NF2: variants seen among roughly 807,000 people sequenced by gnomAD.
NF2 encodes the protein NF2, moesin-ezrin-radixin like (MERLIN) tumor suppressor, also known as merlin.
A neutral mutation model predicts 83.7 loss-of-function variants in NF2; 8 were observed. The observed-to-expected ratio is 0.10, with a 90% CI of 0.06 to 0.17. The LOEUF (loss-of-function observed/expected upper bound fraction) is 0.17. Among genes scored for constraint, NF2 ranks in the 10% least tolerant of loss-of-function variants. The pLI, the probability that NF2 is intolerant of heterozygous loss-of-function variation, is 1.00. For synonymous variants in NF2, 266 were observed against 269.6 expected (o/e 0.99, Z 0.13); for missense variants, 533 against 744.4 (o/e 0.72, Z 3.31).
In NF2 at chr22:29,668,438, A is replaced by C; in HGVS notation, c.991A>C (p.Arg331=). The change falls in exon 10 of 16, where the codon AGA becomes CGA. Residue 331 remains arginine (R), a synonymous_variant. Coordinates refer to ENST00000338641, the MANE Select transcript of NF2 (RefSeq NM_000268.4). ...AGCCCAGGCCAGGGAGGAGAAGGCTAGAAAGCAGGTGAGCACAACCTTGTT... is the reference window on the plus strand; with the variant it reads ...AGCCCAGGCCAGGGAGGAGAAGGCTCGAAAGCAGGTGAGCACAACCTTGTT... ...MKAQAREEKA[R]KQMERQRLAR... is the part of the protein sequence containing the mutation. The C allele has an allele frequency of 6.2e-7, 1 of 1,613,204 alleles. No individual in the cohort carries two copies. Among genetic ancestry groups the C allele is most frequent in the Middle Eastern group, 1.7e-4 (1 of 6,054 alleles).
chr22:29,667,836 A>G (rs537006921), intron 9 of NF2, among the ~76,000 whole-genome samples: 17 of 152,258 alleles, frequency 1.1e-4, no homozygotes, highest in African/African-American at 3.4e-4. Context: ...CTCTTATCCT[A>G]TGATCATAAA....
At chr22:29,656,042 A>T (rs1018105430) in intron 6 of NF2, among the ~76,000 whole-genome samples, 1 of 151,478 alleles carries the variant, frequency 6.6e-6, no homozygotes, top group African/African-American at 2.4e-5. Context: ...GGGTTCAAGC[A>T]AACCTCCTGC....
intron 15 of NF2, chr22:29,682,896 AAAAC>A (rs2067178759): frequency 1.7e-6 from 2 of 1,211,744 alleles, no homozygotes; most frequent in East Asian, 2.3e-5. Context: ...CCAAGCCATT[AAAAC>A]AAACAAAATC....
intron 1 of NF2, among the ~76,000 whole-genome samples, chr22:29,626,653 TG>T (rs2065375612): frequency 6.6e-6 from 1 of 152,264 alleles, no homozygotes; most frequent in Non-Finnish European, 1.5e-5. Context: ...GCTCTAGCTC[TG>T]TTGTGCTGGA....
Position 29,642,351 on chromosome 22 carries a change from C to T in NF2, c.447+66C>T, listed in dbSNP as rs1297261913. Reference sequence around the variant, plus strand: ...ATTTGGGTCATGGGATCACTCCTATCTTCTCTTTCTTTGGGTTTTCTGTAC... The same window carrying T: ...ATTTGGGTCATGGGATCACTCCTATTTTCTCTTTCTTTGGGTTTTCTGTAC... On this transcript the variant is annotated intron_variant, in intron 4 of 15. Transcript: ENST00000338641. The T allele has an allele frequency of 6.2e-6, 8 of 1,289,320 alleles. No individual in the cohort carries two copies. The East Asian group carries it at 1.8e-4, about 30-fold the overall frequency. 79.9% of individuals were successfully genotyped at this position (1,289,320 alleles called of 1,614,324 possible).
At chr22:29,663,049 A>G (rs2066522246) in intron 8 of NF2, among the ~76,000 whole-genome samples, 1 of 152,218 alleles carries the variant, frequency 6.6e-6, no homozygotes, top group South Asian at 2.1e-4. Context: ...GCCATGCTTG[A>G]TAAGACAGAC....
chr22:29,656,688 A>G (rs1333140323), intron 6 of NF2, among the ~76,000 whole-genome samples: 1 of 152,132 alleles, frequency 6.6e-6, no homozygotes, highest in East Asian at 1.9e-4. Context: ...CTGGGATTAC[A>G]GGCATGAGCC....
intron 1 of NF2, among the ~76,000 whole-genome samples, chr22:29,615,905 A>G (rs966581721): frequency 1.3e-5 from 2 of 152,228 alleles, no homozygotes; most frequent in Non-Finnish European, 2.9e-5. Context: ...CATAATAGCC[A>G]GAAGGTAGAA....
chr22:29,625,750 T>C (rs2065350802), intron 1 of NF2, among the ~76,000 whole-genome samples: 1 of 152,266 alleles, frequency 6.6e-6, no homozygotes, highest in Non-Finnish European at 1.5e-5. Flanking sequence ...TGCAGGAATC[T>C]GTGTGGCACC....
rs894312341 is a variant in NF2, at chr22:29,695,025, G to A, written c.*223G>A. ...TCATGGCGTTCTAGTTCTCTGACCT[G>A]AGTCTTTGTTTTAAGAAGTATTTGT... On this transcript the variant is annotated 3_prime_UTR_variant, in exon 16 of 16. Coordinates refer to ENST00000338641, the MANE Select transcript of NF2 (RefSeq NM_000268.4). This position sits in a 1 kb window ranked among gnomAD's most constrained non-coding sequence, Gnocchi z 5.4. The A allele has an allele frequency of 9.8e-6, 6 of 612,892 alleles. No homozygotes were observed. Among genetic ancestry groups the A allele is most frequent in the Admixed American group, 8.4e-5 (3 of 35,540 alleles). The allele number at this position is 612,892 out of a possible 1,614,324, so 38.0% of individuals were successfully genotyped here.
chr22:29,654,818 A>T, intron 5 of NF2, 93 bp downstream of exon 5: 1 of 913,606 alleles, frequency 1.1e-6, no homozygotes, highest in Non-Finnish European at 1.8e-6. Flanking sequence ...TTGGAAGTAC[A>T]TAGCAATTTA....
intron 4 of NF2, among the ~76,000 whole-genome samples, chr22:29,642,943 G>A (rs1365147443): frequency 2.7e-5 from 4 of 150,868 alleles, no homozygotes; most frequent in East Asian, 3.9e-4. Context: ...GTTCACTTCC[G>A]TTAAATCACT....
intron 1 of NF2, among the ~76,000 whole-genome samples, chr22:29,621,651 AGAGT>A (rs2065219616): frequency 6.6e-6 from 1 of 152,146 alleles, no homozygotes. Context: ...CCTGGGTGAC[AGAGT>A]GAGACCTTGT....
chr22:29,603,809 C>T lies in NF2; in HGVS notation c.-190C>T. On this transcript the variant is annotated 5_prime_UTR_variant, in exon 1 of 16. Transcript: ENST00000338641. ...AGCCGTCAGGGCCCGTCCCCCAACT[C>T]CCCTTTCCGCTCAGGCAGGGTCCTC... 3.4e-6 allele frequency: 2 copies of T among 582,264 alleles called. No homozygotes were observed. The highest frequency in any genetic ancestry group is 6.1e-6 in the Non-Finnish European group (2 of 330,102). The allele number at this position is 582,264 out of a possible 1,614,324, so 36.1% of individuals were successfully genotyped here. A position where few individuals can be genotyped will look rare whatever the true frequency, so the allele number is the denominator to read the frequency against.
At chr22:29,651,406 A>G (rs1212126995) in intron 4 of NF2, among the ~76,000 whole-genome samples, 6 of 152,228 alleles carry the variant, frequency 3.9e-5, no homozygotes, top group Non-Finnish European at 8.8e-5. Flanking sequence ...TCTTTAATGC[A>G]AGAGTACCAA....
chr22:29,622,159 A>T (rs1007293320), intron 1 of NF2, among the ~76,000 whole-genome samples: 6 of 152,182 alleles, frequency 3.9e-5, no homozygotes, highest in African/African-American at 1.4e-4. Flanking sequence ...CAACTTAACA[A>T]CTATTTGCCT....
intron 14 of NF2, among the ~76,000 whole-genome samples, chr22:29,679,047 G>A (rs2067051355): frequency 6.6e-6 from 1 of 152,236 alleles, no homozygotes; most frequent in Admixed American, 6.5e-5. Context: ...CTGTGTGTCA[G>A]GGGTTTTGGC....
At chr22:29,610,740 T>G (rs777584050) in intron 1 of NF2, among the ~76,000 whole-genome samples, 2 of 151,798 alleles carry the variant, frequency 1.3e-5, no homozygotes, top group Non-Finnish European at 2.9e-5. Flanking sequence ...TATCAAACAT[T>G]TCAAGAAAAA....
At chr22:29,667,539 C>G (rs902886109) in intron 9 of NF2, among the ~76,000 whole-genome samples, 2 of 152,036 alleles carry the variant, frequency 1.3e-5, no homozygotes, top group African/African-American at 4.8e-5. Context: ...GCTGAGCCAC[C>G]AGGTCTGGCC....
Sources: gnomAD v4.1 joint callset for allele counts (sites outside exome capture counted in the v4.1 genomes callset) on GRCh38, gnomAD v4.1.1 for gene constraint, Gnocchi (gnomAD v3.1) non-coding constraint, MANE v1.5 for transcripts, NCBI Gene and HGNC (gene_info 2026-07-23, HGNC 2026-07-21) for gene names.